The following KIAA1217 variants were observed in gnomAD, a reference collection of about 807,000 sequenced individuals.
The protein encoded by KIAA1217 is KIAA1217, also known as sickle tail protein homolog.
In KIAA1217, 88 loss-of-function variants were observed where a neutral mutation model predicts 163.9. The observed-to-expected ratio is 0.54, with a 90% CI of 0.45 to 0.64. The LOEUF (loss-of-function observed/expected upper bound fraction) is 0.64. Among genes scored for constraint, KIAA1217 ranks in the 30% least tolerant of loss-of-function variants. The pLI is 0.00. For synonymous variants in KIAA1217, 903 were observed against 923.1 expected (o/e 0.98, Z 0.39); for missense variants, 2,372 against 2,475.0 (o/e 0.96, Z 0.88).
At chr10:24,494,418 TA>T in intron 6 of KIAA1217, 81 bp from the exon 7 acceptor site, 3 of 1,156,044 alleles carry the variant, frequency 2.6e-6, no homozygotes, top group Non-Finnish European at 2.6e-6. Flanking sequence ...GTACCTTTTA[TA>T]ACCCTCAGGT....
intron 2 of KIAA1217, among the ~76,000 whole-genome samples, chr10:24,294,043 A>T (rs888660227): frequency 1.3e-5 from 2 of 151,896 alleles, no homozygotes; most frequent in Non-Finnish European, 2.9e-5. Flanking sequence ...AATAGAAAAA[A>T]TAGCCGGGCG....
intron 2 of KIAA1217, among the ~76,000 whole-genome samples, chr10:24,048,819 T>C (rs908923519): frequency 6.6e-6 from 1 of 150,822 alleles, no homozygotes; most frequent in Non-Finnish European, 1.5e-5. Context: ...GATCACGAGG[T>C]CAGGGGTTCG....
chr10:24,111,459 C>G (rs1242095219), intron 2 of KIAA1217, among the ~76,000 whole-genome samples: 1 of 152,014 alleles, frequency 6.6e-6, no homozygotes, highest in Non-Finnish European at 1.5e-5. Flanking sequence ...TTTAGGTATT[C>G]ATTTTGGGGG....
intron 2 of KIAA1217, among the ~76,000 whole-genome samples, chr10:24,379,992 A>C (rs10159683): frequency 0.024 from 3,718 of 152,226 alleles, 166 homozygotes; most frequent in African/African-American, 0.085. Context: ...GCAGAGGTTG[A>C]AGTGAGCCAA....
chr10:24,418,475 C>T (rs961755972), intron 3 of KIAA1217, among the ~76,000 whole-genome samples: 7 of 151,992 alleles, frequency 4.6e-5, no homozygotes, highest in African/African-American at 1.7e-4. Context: ...ATACACTTCA[C>T]ATTGATGCTT....
rs373000698 is a variant in KIAA1217, at chr10:24,076,155, G to A, written c.-171+68781G>A. On this transcript the variant is annotated intron_variant, in intron 2 of 18. Coordinates refer to the KIAA1217 transcript ENST00000376462. ...CCAAGGCAGATATTGGGCTGCCTTC[G>A]GTCACTCCCAAGCTGGCATGGCCAA... is the stretch of plus-strand genomic sequence containing the variant. 7.3e-4 allele frequency among the ~76,000 whole-genome samples: 111 copies of A among 152,180 alleles called. 1 individual carries two copies. Among genetic ancestry groups the A allele is most frequent in the African/African-American group, 2.5e-3 (105 of 41,522 alleles).
chr10:24,385,786 C>G (rs1450398495), intron 3 of KIAA1217, among the ~76,000 whole-genome samples: 1 of 152,152 alleles, frequency 6.6e-6, no homozygotes, highest in Non-Finnish European at 1.5e-5. Context: ...GAAAGGAAGA[C>G]TAAAAAGTAA....
rs972196832 is a variant in KIAA1217, at chr10:24,546,979, G to A, written c.*655G>A. 2.0e-5 allele frequency: 3 copies of A among 151,678 alleles called. No individual in the cohort carries two copies. Among genetic ancestry groups the A allele is most frequent in the African/African-American group, 7.3e-5 (3 of 41,252 alleles). 9.4% of individuals were successfully genotyped at this position (151,678 alleles called of 1,614,324 possible). On this transcript the variant is annotated 3_prime_UTR_variant, in exon 21 of 21. Transcript: ENST00000376454. ...TTTATCAAACCTATTGCACTGCCAT[G>A]AAAAGTGTGTATAATAATTTGCTAG...
intron 1 of KIAA1217, among the ~76,000 whole-genome samples, chr10:23,810,486 A>T (rs1836953758): frequency 7.1e-6 from 1 of 141,190 alleles, no homozygotes; most frequent in Admixed American, 7.4e-5. Context: ...TATATACTAT[A>T]TTATACTATG....
At chr10:24,236,460 T>A (rs1433874846) in intron 2 of KIAA1217, among the ~76,000 whole-genome samples, 1 of 152,134 alleles carries the variant, frequency 6.6e-6, no homozygotes, top group Non-Finnish European at 1.5e-5. Context: ...GGCAGGCTGG[T>A]CTCAAACTCC....
chr10:23,814,886 T>C (rs1299932405), intron 1 of KIAA1217, among the ~76,000 whole-genome samples: 1 of 152,094 alleles, frequency 6.6e-6, no homozygotes, highest in Non-Finnish European at 1.5e-5. Flanking sequence ...AAAGATCCAG[T>C]GTTTTTCTGA....
intron 3 of KIAA1217, among the ~76,000 whole-genome samples, chr10:24,383,828 G>A (rs1198739070): frequency 6.6e-6 from 1 of 152,196 alleles, no homozygotes; most frequent in African/African-American, 2.4e-5. Flanking sequence ...CCCCCCAGCC[G>A]CACCTGGCCC....
At chr10:24,337,420 G>A (rs544198243) in intron 2 of KIAA1217, among the ~76,000 whole-genome samples, 1 of 152,090 alleles carries the variant, frequency 6.6e-6, no homozygotes, top group Non-Finnish European at 1.5e-5. Flanking sequence ...GCCCTGAAAG[G>A]GTTCTGGGAA....
At chr10:23,801,413 C>T (rs1177897525) in intron 1 of KIAA1217, among the ~76,000 whole-genome samples, 3 of 152,096 alleles carry the variant, frequency 2.0e-5, no homozygotes, top group Admixed American at 6.5e-5. Flanking sequence ...CACCATGGCA[C>T]GTGTATACCT....
intron 1 of KIAA1217, among the ~76,000 whole-genome samples, chr10:23,999,056 C>A (rs1484089825): frequency 6.6e-6 from 1 of 152,020 alleles, no homozygotes; most frequent in Non-Finnish European, 1.5e-5. Flanking sequence ...CTAAAAATAG[C>A]CATATACAGT....
intron 5 of KIAA1217, among the ~76,000 whole-genome samples, chr10:24,443,152 C>T (rs923706945): frequency 2.0e-5 from 3 of 152,150 alleles, no homozygotes; most frequent in African/African-American, 7.2e-5. Flanking sequence ...CTCAGGTGAT[C>T]CACCTGCCTC....
intron 17 of KIAA1217, among the ~76,000 whole-genome samples, chr10:24,538,602 AAGGAAAAAGAG>A (rs1288122278): frequency 0.07 from 4,802 of 68,614 alleles, 124 homozygotes; most frequent in Middle Eastern, 0.15. Context: ...GGAAGGAAGG[AAGGAAAAAGAG>A]AGGAAGGAAA....
intron 1 of KIAA1217, among the ~76,000 whole-genome samples, chr10:23,857,557 C>T (rs530312506): frequency 1.1e-4 from 16 of 152,282 alleles, no homozygotes; most frequent in Admixed American, 3.3e-4. Context: ...TCACAATCAT[C>T]TGGAGAATGA....
At chr10:23,917,875 G>A (rs1304216687) in intron 1 of KIAA1217, among the ~76,000 whole-genome samples, 4 of 152,284 alleles carry the variant, frequency 2.6e-5, no homozygotes, top group South Asian at 2.1e-4. Flanking sequence ...GATCACTTGA[G>A]TACTTTGCTT....
Sources: allele counts gnomAD v4.1 joint callset (sites outside exome capture counted in the v4.1 genomes callset), GRCh38; gene constraint gnomAD v4.1.1; transcripts MANE v1.5; gene names NCBI Gene and HGNC (gene_info 2026-07-23, HGNC 2026-07-21).